The following RALGPS2 variants were observed in gnomAD, a reference collection of about 807,000 sequenced individuals.
RALGPS2 encodes Ral GEF with PH domain and SH3 binding motif 2.
In RALGPS2, 43 loss-of-function variants were observed where a neutral mutation model predicts 86.8. The ratio of observed to expected loss-of-function variants is 0.50; its 90% confidence interval spans 0.39 to 0.64. The LOEUF is 0.64. Ranked by LOEUF, RALGPS2 falls within the 30% of genes least tolerant of loss-of-function variation. The pLI is 0.00. For missense variants in RALGPS2, 536 were observed against 694.6 expected (o/e 0.77, Z 2.57); for synonymous variants, 243 against 231.3 (o/e 1.05, Z -0.46).
intron 1 of RALGPS2, among the ~76,000 whole-genome samples, chr1:178,737,249 G>A (rs115949218): frequency 0.03 from 4,573 of 152,062 alleles, 226 homozygotes; most frequent in African/African-American, 0.1. Context: ...ACTGTCTTGC[G>A]CCTTTTTTCT....
intron 7 of RALGPS2, among the ~76,000 whole-genome samples, chr1:178,825,447 G>A (rs34775255): frequency 0.24 from 35,998 of 151,966 alleles, 4,989 homozygotes; most frequent in Non-Finnish European, 0.32. Context: ...CAAGCTGAGG[G>A]TGGTAGAAGA....
intron 7 of RALGPS2, 34 bp downstream of exon 7, chr1:178,821,738 A>T (rs1008787130): frequency 4.8e-6 from 7 of 1,457,486 alleles, no homozygotes; most frequent in South Asian, 3.5e-5. Flanking sequence ...GAAAGGTTAG[A>T]CTTCCTGTGG....
At chr1:178,869,658 CA>C (rs1389632350) in intron 8 of RALGPS2, among the ~76,000 whole-genome samples, 1 of 152,000 alleles carries the variant, frequency 6.6e-6, no homozygotes, top group Non-Finnish European at 1.5e-5. Context: ...CCAGCATTTA[CA>C]GTTTTAAATC....
intron 8 of RALGPS2, among the ~76,000 whole-genome samples, chr1:178,856,202 GATATATATATATAT>G (rs55797277): frequency 3.6e-5 from 3 of 83,912 alleles, no homozygotes; most frequent in African/African-American, 1.9e-4. Context: ...GAGAGAGAGA[GATATATATATATAT>G]ATATATATAT....
chr1:178,847,028 A>G (rs1167872284), intron 8 of RALGPS2, among the ~76,000 whole-genome samples: 2 of 152,238 alleles, frequency 1.3e-5, no homozygotes, highest in East Asian at 1.9e-4. Flanking sequence ...GCTCAAAGAA[A>G]GCATTATGGA....
In RALGPS2 at chr1:178,833,476, G is replaced by A; in HGVS notation, c.533G>A (p.Ser178Asn). ...TTFEKLEYVM[S>N]KEDNYKRLRD... is the part of the protein sequence containing the mutation. ...TTTGAAAAATTAGAATATGTAATGAGTAAAGAAGATAACTACAAAAGACTC... is the reference window on the plus strand; with the variant it reads ...TTTGAAAAATTAGAATATGTAATGAATAAAGAAGATAACTACAAAAGACTC... The change falls in exon 8 of 20, where the codon AGT becomes AAT. Residue 178 changes from serine to asparagine, a missense_variant. By Grantham distance (46) the Ser-to-Asn change is conservative. Transcript: ENST00000367635. The A allele has an allele frequency of 6.5e-7, 1 of 1,531,342 alleles. No individual in the cohort carries two copies. The highest frequency in any genetic ancestry group is 8.7e-7 in the Non-Finnish European group (1 of 1,151,614). 94.9% of individuals were successfully genotyped at this position (1,531,342 alleles called of 1,614,324 possible). A position where few individuals can be genotyped will look rare whatever the true frequency, so the allele number is the denominator to read the frequency against.
chr1:178,801,594 G>A lies in RALGPS2; in HGVS notation c.214-6451G>A, dbSNP rs112734305. Among the ~76,000 whole-genome samples, 200 of 152,156 alleles carry A rather than the reference G, an allele frequency of 1.3e-3. 2 individuals are homozygous for A. The highest frequency in any genetic ancestry group is 4.3e-3 in the African/African-American group (177 of 41,520). ...AATGCCAAGAGGTTTTGGAAAGTCCGTCCAATTCTTAGAACATTTCTGCAT... is the reference window on the plus strand; with the variant it reads ...AATGCCAAGAGGTTTTGGAAAGTCCATCCAATTCTTAGAACATTTCTGCAT... On this transcript the variant is annotated intron_variant, in intron 4 of 19. Coordinates refer to ENST00000367635, the MANE Select transcript of RALGPS2 (RefSeq NM_152663.5).
At chr1:178,848,178 G>A (rs945235683) in intron 8 of RALGPS2, among the ~76,000 whole-genome samples, 7 of 152,022 alleles carry the variant, frequency 4.6e-5, no homozygotes, top group Non-Finnish European at 1.0e-4. Flanking sequence ...GGGCATGGTG[G>A]CATGCACCTG....
intron 5 of RALGPS2, among the ~76,000 whole-genome samples, chr1:178,810,586 TTAGTAGCCCAAGTATAGTAAC>T (rs918003653): frequency 3.9e-5 from 6 of 152,146 alleles, no homozygotes; most frequent in Non-Finnish European, 7.4e-5. Context: ...ATTATTACTT[TTAGTAGCCCAAGTATAGTAAC>T]AAGTATTAAG....
At chr1:178,870,244 G>A (rs953008763) in intron 8 of RALGPS2, among the ~76,000 whole-genome samples, 1 of 152,086 alleles carries the variant, frequency 6.6e-6, no homozygotes, top group Non-Finnish European at 1.5e-5. Flanking sequence ...TTGTTGCAAA[G>A]ACTTTCAACT....
chr1:178,903,775 A>G (rs1220174675), intron 18 of RALGPS2, among the ~76,000 whole-genome samples: 4 of 152,232 alleles, frequency 2.6e-5, no homozygotes, highest in East Asian at 3.9e-4. Flanking sequence ...GGTTGGTTCC[A>G]TGATTTTGCA....
At chr1:178,731,813 G>A (rs950988682) in intron 1 of RALGPS2, among the ~76,000 whole-genome samples, 4 of 152,108 alleles carry the variant, frequency 2.6e-5, no homozygotes, top group Middle Eastern at 3.2e-3. Context: ...CTAGTTTAGA[G>A]GTCAGCAGAC....
chr1:178,915,979 G>A (rs767729089), intron 19 of RALGPS2, among the ~76,000 whole-genome samples: 15 of 152,162 alleles, frequency 9.9e-5, no homozygotes, highest in African/African-American at 1.4e-4. Context: ...TGGCAAACAA[G>A]TGTATCTGGA....
Position 178,920,402 on chromosome 1 carries a change from G to A in RALGPS2, c.*4043G>A, listed in dbSNP as rs1647255310. 6.6e-6 allele frequency: 1 copy of A among 151,942 alleles called. No individual in the cohort carries two copies. The highest frequency in any genetic ancestry group is 3.2e-3 in the Middle Eastern group (1 of 316). 9.4% of individuals were successfully genotyped at this position (151,942 alleles called of 1,614,324 possible). A position where few individuals can be genotyped will look rare whatever the true frequency, so the allele number is the denominator to read the frequency against. ...TTATTATTTGAAGAGCAATTTTAGG[G>A]CATCAAGTATGACAATAATCATGTG... On this transcript the variant is annotated 3_prime_UTR_variant, in exon 20 of 20. Transcript: ENST00000367635.
At chr1:178,914,314 G>GGA (rs1278885330) in intron 19 of RALGPS2, among the ~76,000 whole-genome samples, 15 of 152,038 alleles carry the variant, frequency 9.9e-5, no homozygotes, top group African/African-American at 3.1e-4. Context: ...AGTTCCCCCT[G>GGA]GCAACTCAAA....
chr1:178,899,616 T>TGTTTTGGTTTTG (rs556440438), intron 17 of RALGPS2, among the ~76,000 whole-genome samples: 2 of 150,538 alleles, frequency 1.3e-5, no homozygotes, highest in African/African-American at 2.5e-5. Context: ...TGTATTGTTG[T>TGTTTTGGTTTTG]GTTTTGGTTT....
At chr1:178,727,838 C>A (rs1650115809) in intron 1 of RALGPS2, among the ~76,000 whole-genome samples, 1 of 152,074 alleles carries the variant, frequency 6.6e-6, no homozygotes, top group South Asian at 2.1e-4. Context: ...CACAACAGGG[C>A]TTATCATTTA....
chr1:178,871,614 C>T (rs1658764762), intron 8 of RALGPS2, among the ~76,000 whole-genome samples: 1 of 152,168 alleles, frequency 6.6e-6, no homozygotes, highest in African/African-American at 2.4e-5. Flanking sequence ...TAAGATAAAA[C>T]AGCCTTTATA....
chr1:178,763,457 T>C (rs757620091), intron 1 of RALGPS2, among the ~76,000 whole-genome samples: 7 of 152,258 alleles, frequency 4.6e-5, no homozygotes, highest in Non-Finnish European at 1.0e-4. Context: ...GGCCAAACAA[T>C]ATTGAGTCTT....
Sources: gnomAD v4.1 joint callset for allele counts (sites outside exome capture counted in the v4.1 genomes callset) on GRCh38, gnomAD v4.1.1 for gene constraint, MANE v1.5 for transcripts, NCBI Gene and HGNC (gene_info 2026-07-23, HGNC 2026-07-21) for gene names.